Variants in ASIC2 observed in about 807,000 individuals in gnomAD.
The protein encoded by ASIC2 is acid-sensing ion channel 2.
In ASIC2, 25 loss-of-function variants were observed where a neutral mutation model predicts 57.3. That is an observed-to-expected ratio of 0.44 (90% CI 0.32 to 0.61). The LOEUF (loss-of-function observed/expected upper bound fraction) is 0.61. Ranked by LOEUF, ASIC2 falls within the 20% of genes least tolerant of loss-of-function variation. The pLI is 0.06. For missense variants in ASIC2, 641 were observed against 738.1 expected (o/e 0.87, Z 1.52); for synonymous variants, 319 against 307.5 (o/e 1.04, Z -0.39).
chr17:33,165,218 C>T (rs1213916768), intron 1 of ASIC2, among the ~76,000 whole-genome samples: 1 of 152,100 alleles, frequency 6.6e-6, no homozygotes, highest in Non-Finnish European at 1.5e-5. Flanking sequence ...CATGTCTGGC[C>T]CAAGAGCTGG....
intron 1 of ASIC2, among the ~76,000 whole-genome samples, chr17:33,466,822 A>G (rs189335534): frequency 1.8e-4 from 27 of 152,326 alleles, no homozygotes; most frequent in African/African-American, 5.5e-4. Flanking sequence ...TCCCTTCCTT[A>G]CACCTTATAC....
intron 1 of ASIC2, chr17:34,070,989 C>A (rs1330550465): frequency 6.6e-6 from 1 of 152,206 alleles, no homozygotes; most frequent in African/African-American, 2.4e-5. Context: ...AATTCCATGG[C>A]CCAGTCGTCA....
At chr17:33,978,395 A>G (rs1409138724) in intron 1 of ASIC2, among the ~76,000 whole-genome samples, 1 of 152,212 alleles carries the variant, frequency 6.6e-6, no homozygotes, top group East Asian at 1.9e-4. Flanking sequence ...TGCCCCGTCA[A>G]GATCCAGCCT....
intron 1 of ASIC2, among the ~76,000 whole-genome samples, chr17:33,209,924 C>T (rs2142086721): frequency 6.6e-6 from 1 of 152,300 alleles, no homozygotes; most frequent in South Asian, 2.1e-4. Flanking sequence ...TTCCCATAAA[C>T]TATGTCCAAA....
chr17:33,622,394 GACAC>G (rs540445865), intron 1 of ASIC2, among the ~76,000 whole-genome samples: 21 of 151,810 alleles, frequency 1.4e-4, no homozygotes, highest in South Asian at 2.1e-4. Flanking sequence ...TTTAAAAAAA[GACAC>G]ACACACACAC....
intron 1 of ASIC2, among the ~76,000 whole-genome samples, chr17:33,615,588 C>T (rs67632504): frequency 0.45 from 67,613 of 151,868 alleles, 15,362 homozygotes; most frequent in Middle Eastern, 0.54. Context: ...ACATAAAACA[C>T]CCTCAATTTC....
intron 4 of ASIC2, among the ~76,000 whole-genome samples, chr17:33,027,832 C>T (rs2091865385): frequency 6.6e-6 from 1 of 152,202 alleles, no homozygotes; most frequent in East Asian, 1.9e-4. Context: ...AGACTTTTGC[C>T]TCATTTGAAG....
chr17:33,777,796 G>C (rs998513389), intron 1 of ASIC2, among the ~76,000 whole-genome samples: 2 of 152,148 alleles, frequency 1.3e-5, no homozygotes, highest in Non-Finnish European at 2.9e-5. Context: ...GCAGGTGTGC[G>C]GTTATTATCG....
intron 1 of ASIC2, among the ~76,000 whole-genome samples, chr17:33,994,370 C>A (rs796899029): frequency 6.6e-6 from 1 of 152,118 alleles, no homozygotes. Flanking sequence ...ATGAGGAACA[C>A]GGCACGGTGT....
rs1289347345 is a variant in ASIC2, at chr17:33,952,288, A to G, written c.555+203690T>C. On this transcript the variant is annotated intron_variant, in intron 1 of 9. Transcript: ENST00000359872. ...AAAAGGTGGGGAAGAGATAGAAGGA[A>G]GAGTTAGATCCTTCCCTCCATCTGG... 1.3e-4 allele frequency among the ~76,000 whole-genome samples: 20 copies of G among 152,182 alleles called. 1 individual carries two copies. The highest frequency in any genetic ancestry group is 1.3e-3 in the Admixed American group (20 of 15,278).
chr17:33,360,761 A>G lies in ASIC2; in HGVS notation c.556-248694T>C, dbSNP rs1567835409. 2.6e-5 allele frequency among the ~76,000 whole-genome samples: 4 copies of G among 152,172 alleles called. No individual in the cohort carries two copies. In the South Asian group the frequency reaches 8.3e-4, roughly 32 times the overall value. ...AATAAAAACAGAAACTGCCTCCCAT[A>G]TAGAAGATCTATGGCTACTTGTTTC... On this transcript the variant is annotated intron_variant, in intron 1 of 9. Transcript: ENST00000359872.
At chr17:34,086,548 A>G (rs1305657554) in intron 1 of ASIC2, among the ~76,000 whole-genome samples, 1 of 152,086 alleles carries the variant, frequency 6.6e-6, no homozygotes, top group Non-Finnish European at 1.5e-5. Flanking sequence ...GTAGATGTCT[A>G]TTAGGTCCGC....
chr17:33,612,862 T>C (rs1202058216), intron 1 of ASIC2, among the ~76,000 whole-genome samples: 1 of 152,206 alleles, frequency 6.6e-6, no homozygotes, highest in Non-Finnish European at 1.5e-5. Flanking sequence ...GTCCAGAGTA[T>C]CTTGACAAAT....
rs182174727 is a variant in ASIC2, at chr17:33,904,392, A to C, written c.555+251586T>G. Among the ~76,000 whole-genome samples the C allele has an allele frequency of 3.9e-5, 6 of 152,228 alleles. No individual in the cohort carries two copies. In the East Asian group the frequency reaches 1.2e-3, roughly 29 times the overall value. On this transcript the variant is annotated intron_variant, in intron 1 of 9. Transcript: ENST00000359872. ...TTAACATTTGAGTAGCACCGGTGTT[A>C]AGCTGTGGTTCTCCATACTGCCTAT...
At chr17:33,703,059 T>C (rs1485038592) in intron 1 of ASIC2, among the ~76,000 whole-genome samples, 2 of 152,044 alleles carry the variant, frequency 1.3e-5, no homozygotes, top group African/African-American at 4.8e-5. Flanking sequence ...TAAGAGGGGA[T>C]ATGAAGAGTA....
intron 2 of ASIC2, among the ~76,000 whole-genome samples, chr17:33,111,698 A>G (rs546560323): frequency 3.3e-5 from 5 of 151,942 alleles, no homozygotes; most frequent in Admixed American, 2.0e-4. Flanking sequence ...CCTCTCCAGT[A>G]TTCCCATCCT....
chr17:33,678,062 C>A (rs1160631712), intron 1 of ASIC2, among the ~76,000 whole-genome samples: 2 of 152,140 alleles, frequency 1.3e-5, no homozygotes, highest in African/African-American at 4.8e-5. Flanking sequence ...CCACAGTCCC[C>A]CAGCCTTCAA....
At chr17:33,946,025 A>T (rs1340225889) in intron 1 of ASIC2, among the ~76,000 whole-genome samples, 2 of 152,206 alleles carry the variant, frequency 1.3e-5, no homozygotes, top group African/African-American at 2.4e-5. Context: ...ACCTTAGCAT[A>T]CGACATGCCA....
At chr17:33,584,014 AT>A (rs1904532346) in intron 1 of ASIC2, among the ~76,000 whole-genome samples, 1 of 151,920 alleles carries the variant, frequency 6.6e-6, no homozygotes, top group African/African-American at 2.4e-5. Flanking sequence ...GGCCTTTTGG[AT>A]TGTTTTCTTT....
Sources: allele counts gnomAD v4.1 joint callset (sites outside exome capture counted in the v4.1 genomes callset), GRCh38; gene constraint gnomAD v4.1.1; transcripts MANE v1.5; gene names NCBI Gene and HGNC (gene_info 2026-07-23, HGNC 2026-07-21).